RIN2: variants seen among roughly 807,000 people sequenced by gnomAD.
The protein encoded by RIN2 is RAB5 interacting protein 2.
A neutral mutation model predicts 78.0 loss-of-function variants in RIN2; 36 were observed. The observed-to-expected ratio is 0.46, with a 90% CI of 0.35 to 0.61. RIN2 has a LOEUF of 0.61. Among genes scored for constraint, RIN2 ranks in the 20% least tolerant of loss-of-function variants. The pLI, the probability that RIN2 is intolerant of heterozygous loss-of-function variation, is 0.00. For missense variants in RIN2, 1,087 were observed against 1,159.7 expected (o/e 0.94, Z 0.91); for synonymous variants, 466 against 466.8 (o/e 1.00, Z 0.02).
At chr20:19,829,357 GA>G (rs374124043) in intron 2 of RIN2, among the ~76,000 whole-genome samples, 56 of 150,138 alleles carry the variant, frequency 3.7e-4, no homozygotes, top group African/African-American at 1.2e-3. Flanking sequence ...GCCAAAAAAA[GA>G]AAAAAAAATG....
chr20:19,986,831 T>G (rs2042636906), intron 9 of RIN2, among the ~76,000 whole-genome samples: 1 of 152,248 alleles, frequency 6.6e-6, no homozygotes, highest in Non-Finnish European at 1.5e-5. Context: ...CTTACATCCA[T>G]AAAGTGTGTA....
intron 3 of RIN2, among the ~76,000 whole-genome samples, chr20:19,930,253 G>T (rs934302433): frequency 2.0e-5 from 3 of 152,224 alleles, no homozygotes; most frequent in African/African-American, 7.2e-5. Context: ...TGGCAATGGT[G>T]CCTTCCTCTG....
In RIN2 at chr20:19,902,015, C is replaced by CA. The variant is rs55949901; in HGVS notation, c.57+12384dup. 7.3e-3 allele frequency among the ~76,000 whole-genome samples: 739 copies of CA among 100,590 alleles called. 27 individuals are homozygous for CA. The highest frequency in any genetic ancestry group is 0.023 in the African/African-American group (597 of 25,814). 66.0% of individuals were successfully genotyped at this position (100,590 alleles called of 152,430 possible). On this transcript the variant is annotated intron_variant, in intron 3 of 12. Coordinates refer to ENST00000255006, the MANE Select transcript of RIN2 (RefSeq NM_018993.4). ...TGGGCGACAGAACGAGACTCTGTCT[C>CA]AAAAAAAAAAAAAAAAAAAAAAAAA... is the stretch of plus-strand genomic sequence containing the variant.
chr20:19,766,540 A>G (rs1006951259), intron 1 of RIN2, among the ~76,000 whole-genome samples: 2 of 152,118 alleles, frequency 1.3e-5, no homozygotes, highest in South Asian at 2.1e-4. Flanking sequence ...AGGATTCACA[A>G]TGGAAGAGAT....
chr20:19,984,975 T>C (rs6046512), intron 9 of RIN2, among the ~76,000 whole-genome samples: 57,542 of 152,112 alleles, frequency 0.38, 12,875 homozygotes, highest in East Asian at 0.72. Flanking sequence ...TCTTGCCTTC[T>C]GTGGACAATG....
At chr20:19,959,833 G>A (rs2041679696) in intron 5 of RIN2, among the ~76,000 whole-genome samples, 1 of 152,162 alleles carries the variant, frequency 6.6e-6, no homozygotes, top group South Asian at 2.1e-4. Context: ...TTCATTTGTA[G>A]GCTAGGTGAA....
intron 4 of RIN2, among the ~76,000 whole-genome samples, chr20:19,953,435 T>TTCTTC (rs1336955020): frequency 2.7e-5 from 4 of 149,662 alleles, no homozygotes; most frequent in Admixed American, 6.6e-5. Context: ...CACCTGGCTT[T>TTCTTC]TCTTTTCTTT....
intron 1 of RIN2, among the ~76,000 whole-genome samples, chr20:19,794,804 G>T (rs58440038): frequency 6.6e-6 from 1 of 151,856 alleles, no homozygotes; most frequent in African/African-American, 2.4e-5. Context: ...TTCTCACAAC[G>T]CCTCGCACCT....
intron 2 of RIN2, among the ~76,000 whole-genome samples, chr20:19,841,975 A>C (rs547487701): frequency 5.9e-4 from 90 of 152,346 alleles, no homozygotes; most frequent in African/African-American, 2.0e-3. Flanking sequence ...AGAAGATGTC[A>C]TCTACAGCTC....
chr20:19,798,616 A>G (rs974988213), intron 1 of RIN2, among the ~76,000 whole-genome samples: 1 of 152,068 alleles, frequency 6.6e-6, no homozygotes, highest in African/African-American at 2.4e-5. Context: ...AAAGAAACAC[A>G]TATACGTGTG....
chr20:19,865,445 C>A (rs1267656922), intron 2 of RIN2, among the ~76,000 whole-genome samples: 1 of 150,988 alleles, frequency 6.6e-6, no homozygotes, highest in Non-Finnish European at 1.5e-5. Context: ...AGGGATTACA[C>A]AATTTTAAAT....
intron 4 of RIN2, among the ~76,000 whole-genome samples, chr20:19,950,147 C>A (rs2041255593): frequency 1.3e-5 from 2 of 152,172 alleles, no homozygotes; most frequent in African/African-American, 4.8e-5. Flanking sequence ...TGCTTCAAAG[C>A]CATGAGGCCC....
chr20:19,863,305 T>G (rs1159006360), intron 2 of RIN2, among the ~76,000 whole-genome samples: 2 of 152,222 alleles, frequency 1.3e-5, no homozygotes, highest in African/African-American at 4.8e-5. Context: ...CTGTCATAGA[T>G]GTTGTGCGTT....
chr20:19,935,076 A>G, intron 3 of RIN2, 23 bp from the exon 4 acceptor site: 9 of 1,561,470 alleles, frequency 5.8e-6, no homozygotes, highest in South Asian at 1.2e-5. Flanking sequence ...TCCTGACGTC[A>G]TACTATTTTT....
intron 2 of RIN2, among the ~76,000 whole-genome samples, chr20:19,825,825 A>G (rs1280520523): frequency 1.3e-5 from 2 of 152,116 alleles, no homozygotes; most frequent in Admixed American, 1.3e-4. Context: ...AGGATTTTGC[A>G]TTTATTTCTG....
chr20:19,976,508 A>C (rs537625198), intron 9 of RIN2, among the ~76,000 whole-genome samples: 49 of 152,214 alleles, frequency 3.2e-4, no homozygotes, highest in Non-Finnish European at 6.2e-4. Context: ...CTCCAACTTC[A>C]AGGGGAAATT....
chr20:20,000,853 T>C lies in RIN2; in HGVS notation c.2605T>C (p.Phe869Leu). 6.2e-7 allele frequency: 1 copy of C among 1,614,000 alleles called. No individual in the cohort carries two copies. Among genetic ancestry groups the C allele is most frequent in the Non-Finnish European group, 8.5e-7 (1 of 1,179,878 alleles). ...ELHSRPQPHIFHFVYKRIKND... is the reference protein window; with the variant it reads ...ELHSRPQPHILHFVYKRIKND... Reference sequence around the variant, plus strand: ...GCACAGCCGACCACAGCCCCACATCTTCCACTTTGTCTACAAACGCATCAA... The same window carrying C: ...GCACAGCCGACCACAGCCCCACATCCTCCACTTTGTCTACAAACGCATCAA... The change falls in exon 13 of 13, where the codon TTC becomes CTC. Residue 869 changes from phenylalanine (F) to leucine (L), a missense_variant. Physicochemically the swap from Phe to Leu is conservative, Grantham distance 22. Coordinates refer to ENST00000255006, the MANE Select transcript of RIN2 (RefSeq NM_018993.4).
Position 19,974,823 on chromosome 20 carries a change from C to A in RIN2, c.798C>A (p.Asn266Lys). ...CAGAGCTGGAGTGCAGCCAGACCAACGGGGCCCTGTGCTTTATTAATCCCC... is the reference window on the plus strand; with the variant it reads ...CAGAGCTGGAGTGCAGCCAGACCAAAGGGGCCCTGTGCTTTATTAATCCCC... The part of the protein sequence containing the change: ...TPSELECSQT[N>K]GALCFINPLF... Residue 266 changes from asparagine (N) to lysine (K), a missense_variant, in exon 9 of 13, where the codon AAC becomes AAA. This residue lies in a region of RIN2 where 706 missense variants were observed against 667.5 expected (regional missense o/e 1.06). Transcript: ENST00000255006. The A allele has an allele frequency of 6.2e-7, 1 of 1,613,976 alleles. No individual in the cohort carries two copies. Among genetic ancestry groups the A allele is most frequent in the Non-Finnish European group, 8.5e-7 (1 of 1,179,890 alleles).
chr20:19,886,855 G>T, intron 2 of RIN2: 1 of 784,172 alleles, frequency 1.3e-6, no homozygotes. Flanking sequence ...GACATCTGTG[G>T]GGAGGCATGG....
Sources: allele counts gnomAD v4.1 joint callset (sites outside exome capture counted in the v4.1 genomes callset), GRCh38; gene constraint gnomAD v4.1.1; regional missense constraint gnomAD v4.1.1; transcripts MANE v1.5; gene names NCBI Gene and HGNC (gene_info 2026-07-23, HGNC 2026-07-21).